VPS53: variants seen among roughly 807,000 people sequenced by gnomAD.
VPS53 encodes the protein vacuolar protein sorting-associated protein 53 homolog.
VPS53 carries 70 observed loss-of-function variants against 107.0 expected under a neutral mutation model. The observed-to-expected ratio is 0.65, with a 90% CI of 0.54 to 0.80. The LOEUF is 0.80. Ranked by LOEUF, VPS53 falls within the 30% of genes least tolerant of loss-of-function variation. The probability of loss-of-function intolerance (pLI) is 0.00; values close to 1 mark genes in which losing one functional copy is unlikely to be tolerated. For synonymous variants in VPS53, 409 were observed against 393.3 expected (o/e 1.04, Z -0.47); for missense variants, 917 against 1,049.4 (o/e 0.87, Z 1.74).
intron 4 of VPS53, among the ~76,000 whole-genome samples, chr17:662,474 G>C (rs1329492274): frequency 6.6e-6 from 1 of 151,996 alleles, no homozygotes; most frequent in Non-Finnish European, 1.5e-5. Flanking sequence ...CAGATCACGA[G>C]GTCAGGAGAT....
chr17:681,843 A>G (rs1972405360), intron 4 of VPS53, among the ~76,000 whole-genome samples: 2 of 152,206 alleles, frequency 1.3e-5, no homozygotes, highest in South Asian at 4.1e-4. Flanking sequence ...GCAAATGGCC[A>G]TCCTTCAAAA....
In VPS53 at chr17:519,018, G is replaced by T. The variant is rs1173043616; in HGVS notation, c.*110C>A. 3 of 1,236,816 alleles carry T rather than the reference G, an allele frequency of 2.4e-6. No homozygotes were observed. Among genetic ancestry groups the T allele is most frequent in the Non-Finnish European group, 3.3e-6 (3 of 917,012 alleles). The allele number at this position is 1,236,816 out of a possible 1,614,324, so 76.6% of individuals were successfully genotyped here. A position where few individuals can be genotyped will look rare whatever the true frequency, so the allele number is the denominator to read the frequency against. The stretch of plus-strand genomic sequence containing the variant: ...AGTAACAACCCACATGTCCCAGGAA[G>T]TTTGAAGACCGACGATGTGAGAGTG... On this transcript the variant is annotated 3_prime_UTR_variant, in exon 22 of 22. Coordinates refer to ENST00000437048, the MANE Select transcript of VPS53 (RefSeq NM_001128159.3). This position sits in a 1 kb window ranked among gnomAD's most constrained non-coding sequence, Gnocchi z 5.0.
Position 654,994 on chromosome 17 carries a change from TAG to T in VPS53, c.488+842_488+843del, listed in dbSNP as rs140700047. 3.2e-3 allele frequency among the ~76,000 whole-genome samples: 487 copies of T among 152,188 alleles called. 5 individuals carry two copies. Among genetic ancestry groups the T allele is most frequent in the African/African-American group, 0.011 (464 of 41,532 alleles). On this transcript the variant is annotated intron_variant, in intron 6 of 21. Coordinates refer to ENST00000437048, the MANE Select transcript of VPS53 (RefSeq NM_001128159.3). ...GCATCCCTGGAGCTCATCCAATACCTAGAGAGGTCAGGAAGGGGCCCGCCCCT... is the reference window on the plus strand; with the variant it reads ...GCATCCCTGGAGCTCATCCAATACCTAGAGGTCAGGAAGGGGCCCGCCCCT...
intron 11 of VPS53, among the ~76,000 whole-genome samples, chr17:618,695 C>T (rs115176805): frequency 0.01 from 1,482 of 147,532 alleles, 34 homozygotes; most frequent in African/African-American, 0.035. Flanking sequence ...TACAGGCATG[C>T]ACCACCATGC....
intron 17 of VPS53, 111 bp downstream of exon 17, chr17:551,761 A>C: frequency 1.1e-6 from 1 of 941,708 alleles, no homozygotes; most frequent in Non-Finnish European, 1.5e-6. Context: ...CATTCTCCTC[A>C]GCTGATCCTT....
intron 4 of VPS53, among the ~76,000 whole-genome samples, chr17:690,884 A>C (rs1255043421): frequency 2.0e-5 from 3 of 152,200 alleles, no homozygotes; most frequent in Admixed American, 6.5e-5. Flanking sequence ...AAAATCAATA[A>C]GTTTTCCTCC....
intron 2 of VPS53, among the ~76,000 whole-genome samples, chr17:703,986 GT>G (rs954948941): frequency 5.3e-5 from 8 of 151,016 alleles, no homozygotes; most frequent in East Asian, 1.9e-4. Context: ...TGGATCTTGG[GT>G]TTTTTTTTCT....
intron 12 of VPS53, among the ~76,000 whole-genome samples, chr17:591,895 A>G (rs1967679273): frequency 6.6e-6 from 1 of 152,078 alleles, no homozygotes; most frequent in African/African-American, 2.4e-5. Context: ...AGTTCTGTAG[A>G]TGTCTATTAG....
chr17:532,705 G>A lies in VPS53; in HGVS notation c.2085+137C>T, dbSNP rs570659661. 1.3e-5 allele frequency: 18 copies of A among 1,433,820 alleles called. 1 individual carries two copies. In the Admixed American group the frequency reaches 2.0e-4, roughly 16 times the overall value. 88.8% of individuals were successfully genotyped at this position (1,433,820 alleles called of 1,614,324 possible). Reference sequence around the variant, plus strand: ...GGAAGAACGAATTAAGAAACCTTCCGGGTGAGTCATTATACTGTCCCCAAA... The same window carrying A: ...GGAAGAACGAATTAAGAAACCTTCCAGGTGAGTCATTATACTGTCCCCAAA... On this transcript the variant is annotated intron_variant, in intron 19 of 21. Coordinates refer to ENST00000437048, the MANE Select transcript of VPS53 (RefSeq NM_001128159.3).
chr17:630,046 C>A (rs2143134752), intron 8 of VPS53, among the ~76,000 whole-genome samples: 1 of 152,268 alleles, frequency 6.6e-6, no homozygotes, highest in Non-Finnish European at 1.5e-5. Flanking sequence ...GTAATCCCAG[C>A]ACTTTGGGAG....
At position 513,739 on chromosome 17, in the gene VPS53, T is replaced by C. The variant is rs1281921340; in HGVS notation, c.*5389A>G. ...AAGGAATCTCATTTCCAGCAGGTTA[T>C]TCCGAGTGCTCTTCCTAGGGAAGGA... On this transcript the variant is annotated 3_prime_UTR_variant, in exon 22 of 22. Transcript: ENST00000437048. 1 of 137,390 alleles carries C rather than the reference T, an allele frequency of 7.3e-6. No homozygotes were observed. The highest frequency in any genetic ancestry group is 2.2e-4 in the East Asian group (1 of 4,564). 8.5% of individuals were successfully genotyped at this position (137,390 alleles called of 1,614,324 possible).
intron 4 of VPS53, among the ~76,000 whole-genome samples, chr17:669,933 A>T (rs1971868457): frequency 1.3e-5 from 2 of 152,140 alleles, no homozygotes; most frequent in African/African-American, 4.8e-5. Context: ...AAAAAAATTA[A>T]AAGGTGGCTA....
At chr17:665,774 G>A (rs930666901) in intron 4 of VPS53, among the ~76,000 whole-genome samples, 1 of 152,226 alleles carries the variant, frequency 6.6e-6, no homozygotes, top group African/African-American at 2.4e-5. Context: ...GGAGCCTGAG[G>A]CGGGCGGATC....
At chr17:702,403 T>C (rs1973235062) in intron 2 of VPS53, among the ~76,000 whole-genome samples, 1 of 152,094 alleles carries the variant, frequency 6.6e-6, no homozygotes, top group Admixed American at 6.5e-5. Context: ...CGGTGGCTCA[T>C]GCCTGTAATC....
In VPS53 at chr17:517,238, C is replaced by G. The variant is rs926194864; in HGVS notation, c.*1890G>C. 7 of 387,632 alleles carry G rather than the reference C, an allele frequency of 1.8e-5. No homozygotes were observed. The highest frequency in any genetic ancestry group is 4.5e-5 in the Admixed American group (1 of 22,370). 24.0% of individuals were successfully genotyped at this position (387,632 alleles called of 1,614,324 possible). On this transcript the variant is annotated 3_prime_UTR_variant, in exon 22 of 22. Coordinates refer to ENST00000437048, the MANE Select transcript of VPS53 (RefSeq NM_001128159.3). ...AACTGAAGGCCGCATCTCCTTCTCG[C>G]AACACTTCTTTTCTCCTCCGCATTC...
At chr17:560,346 G>C (rs542041709) in intron 15 of VPS53, 80 bp downstream of exon 15, 16 of 1,511,482 alleles carry the variant, frequency 1.1e-5, no homozygotes, top group Admixed American at 4.1e-5. Context: ...ATGTTAGGAC[G>C]TATATTCTTA....
chr17:669,592 T>TAAAAAAAAAAAAAAAAAAAAAAAAAAAA (rs200157618), intron 4 of VPS53, among the ~76,000 whole-genome samples: 5 of 110,274 alleles, frequency 4.5e-5, no homozygotes, highest in Admixed American at 1.0e-4. Context: ...TACTCTGTCT[T>TAAAAAAAAAAAAAAAAAAAAAAAAAAAA]AAAAAAAAAA....
chr17:582,584 C>T (rs1050118430), intron 13 of VPS53, among the ~76,000 whole-genome samples: 2 of 149,126 alleles, frequency 1.3e-5, no homozygotes, highest in Non-Finnish European at 3.0e-5. Flanking sequence ...TAATGTGTTC[C>T]CAGGGAACTT....
intron 17 of VPS53, chr17:539,031 A>T (rs1302422415): frequency 6.6e-6 from 1 of 152,234 alleles, no homozygotes; most frequent in Non-Finnish European, 1.5e-5. Context: ...TGGGCTCTGC[A>T]GCAGGACTCG....
Sources: gnomAD v4.1 joint callset for allele counts (sites outside exome capture counted in the v4.1 genomes callset) on GRCh38, gnomAD v4.1.1 for gene constraint, Gnocchi (gnomAD v3.1) non-coding constraint, MANE v1.5 for transcripts, NCBI Gene and HGNC (gene_info 2026-07-23, HGNC 2026-07-21) for gene names.